Variants in CCDC12 observed in about 807,000 individuals in gnomAD.
CCDC12 encodes the protein coiled-coil domain-containing protein 12.
A neutral mutation model predicts 25.7 loss-of-function variants in CCDC12; 28 were observed. The observed-to-expected ratio is 1.09, with a 90% CI of 0.81 to 1.50. The LOEUF is 1.50. Among genes scored for constraint, CCDC12 ranks in the 40% most tolerant of loss-of-function variants. The pLI is 0.00. For missense variants in CCDC12, 198 were observed against 210.0 expected (o/e 0.94, Z 0.35); for synonymous variants, 75 against 87.7 (o/e 0.86, Z 0.81).
At chr3:46,980,657 C>T (rs1223722567), upstream of CCDC12, among the ~76,000 whole-genome samples, 3 of 152,142 alleles carry the variant, frequency 2.0e-5, no homozygotes, top group Non-Finnish European at 2.9e-5. Flanking sequence ...GCTCCCCACC[C>T]ATCTCAGAAA....
intron 1 of CCDC12, among the ~76,000 whole-genome samples, chr3:46,963,598 G>GGC (rs1274161761): frequency 6.6e-6 from 1 of 152,236 alleles, no homozygotes; most frequent in Non-Finnish European, 1.5e-5. Context: ...TGCGATCGCA[G>GGC]GCGCGCGCCG....
At chr3:46,964,438 C>A (rs535132433) in intron 1 of CCDC12, among the ~76,000 whole-genome samples, 6 of 152,406 alleles carry the variant, frequency 3.9e-5, no homozygotes, top group African/African-American at 1.2e-4. Flanking sequence ...GGCCACCACC[C>A]GTCTGGGAGG....
intron 1 of CCDC12, among the ~76,000 whole-genome samples, chr3:46,942,216 G>A (rs1285352854): frequency 6.6e-6 from 1 of 152,220 alleles, no homozygotes; most frequent in East Asian, 1.9e-4. Flanking sequence ...ACAAACTGAC[G>A]CAGGGCGTGT....
At chr3:46,964,550 G>A (rs1041510392) in intron 1 of CCDC12, among the ~76,000 whole-genome samples, 33 of 152,374 alleles carry the variant, frequency 2.2e-4, no homozygotes, top group African/African-American at 7.7e-4. Flanking sequence ...TCGGATGGTT[G>A]CTGTGTCTGT....
At chr3:46,930,184 T>G (rs761293740) in intron 2 of CCDC12, among the ~76,000 whole-genome samples, 22 of 152,152 alleles carry the variant, frequency 1.4e-4, no homozygotes, top group Non-Finnish European at 3.1e-4. Flanking sequence ...TCTGAGTGAT[T>G]TTTACTTGCT....
At chr3:46,933,925 A>ATT (rs375733355) in intron 2 of CCDC12, among the ~76,000 whole-genome samples, 1 of 48,036 alleles carries the variant, frequency 2.1e-5, no homozygotes, top group Non-Finnish European at 7.7e-5. Context: ...ATCAATTGAA[A>ATT]ATTTTTTTTT....
chr3:46,957,996 C>CACACACACACACATAT (rs113627328), intron 1 of CCDC12, among the ~76,000 whole-genome samples: 18 of 142,682 alleles, frequency 1.3e-4, no homozygotes, highest in South Asian at 4.7e-4. Context: ...CACACACACA[C>CACACACACACACATAT]ATATATATGT....
chr3:46,977,966 G>A (rs1045666273), upstream of CCDC12, among the ~76,000 whole-genome samples: 1 of 152,192 alleles, frequency 6.6e-6, no homozygotes, highest in Non-Finnish European at 1.5e-5. Flanking sequence ...TCAGTATGTG[G>A]GGGTCCCCAA....
intron 1 of CCDC12, among the ~76,000 whole-genome samples, chr3:46,954,994 C>A (rs547290993): frequency 6.6e-6 from 1 of 152,220 alleles, no homozygotes; most frequent in African/African-American, 2.4e-5. Flanking sequence ...CTGGTATCCA[C>A]GTCACACCAC....
At chr3:46,976,892 T>TGCCCCGCCCCGCCCC, upstream of CCDC12, 1 of 1,257,452 alleles carries the variant, frequency 8.0e-7, no homozygotes, top group East Asian at 2.8e-5. Context: ...CTCCCCGCCT[T>TGCCCCGCCCCGCCCC]GCCCCGCCCC....
chr3:46,940,663 C>T (rs2033663961), intron 2 of CCDC12: 6 of 283,288 alleles, frequency 2.1e-5, no homozygotes, highest in Admixed American at 1.8e-4. Context: ...GCTTCACATG[C>T]CAAGTGCAGA....
At chr3:46,943,289 C>T (rs2033783674) in intron 1 of CCDC12, among the ~76,000 whole-genome samples, 2 of 152,186 alleles carry the variant, frequency 1.3e-5, no homozygotes, top group Non-Finnish European at 2.9e-5. Context: ...TAAAGACTAG[C>T]CGATGAAGCA....
intron 1 of CCDC12, 170 bp downstream of exon 1, chr3:46,976,467 G>A (rs1427429113): frequency 6.3e-6 from 9 of 1,428,406 alleles, no homozygotes; most frequent in Middle Eastern, 2.6e-4. Context: ...CCCACGCCAA[G>A]CAGCCCCAGA....
chr3:46,977,071 G>A (rs1175091963), upstream of CCDC12: 3 of 359,870 alleles, frequency 8.3e-6, no homozygotes, highest in African/African-American at 4.2e-5. Flanking sequence ...TGCGTCGATC[G>A]CTCCGGTTTT....
At chr3:46,924,151 T>G (rs2032832775) in intron 3 of CCDC12, 1 of 153,822 alleles carries the variant, frequency 6.5e-6, no homozygotes, top group African/African-American at 2.4e-5. Context: ...GCCAGCATAG[T>G]GGGCCTCTGA....
upstream of CCDC12, chr3:46,976,913 G>A (rs568746574): frequency 1.2e-6 from 1 of 809,274 alleles, no homozygotes; most frequent in Non-Finnish European, 1.6e-6. Context: ...GCCCCGCCCC[G>A]CCCTTATTCT....
intron 2 of CCDC12, among the ~76,000 whole-genome samples, chr3:46,927,138 G>T (rs976223078): frequency 6.6e-6 from 1 of 152,290 alleles, no homozygotes; most frequent in East Asian, 1.9e-4. Flanking sequence ...CACTGCGGGC[G>T]ATGGGGCAGT....
chr3:46,977,207 G>A (rs2035024779), upstream of CCDC12, among the ~76,000 whole-genome samples: 2 of 152,204 alleles, frequency 1.3e-5, no homozygotes, highest in Non-Finnish European at 2.9e-5. Flanking sequence ...GGGCGCGGTG[G>A]CTCACGCCTG....
At chr3:46,922,817 G>C (rs2032743694) in intron 5 of CCDC12, 1 of 193,584 alleles carries the variant, frequency 5.2e-6, no homozygotes, top group African/African-American at 2.3e-5. Flanking sequence ...AATCAGGCGA[G>C]AGGGATATAG....
Sources: gnomAD v4.1 joint callset for allele counts (sites outside exome capture counted in the v4.1 genomes callset) on GRCh38, gnomAD v4.1.1 for gene constraint, MANE v1.5 for transcripts, NCBI Gene and HGNC (gene_info 2026-07-23, HGNC 2026-07-21) for gene names.